Variants in WWC2 observed in about 807,000 individuals in gnomAD.
The protein encoded by WWC2 is protein WWC2.
In WWC2, 101 loss-of-function variants were observed where a neutral mutation model predicts 138.5. The observed-to-expected ratio is 0.73, with a 90% CI of 0.62 to 0.86. The LOEUF is 0.86. Among genes scored for constraint, WWC2 ranks in the 40% least tolerant of loss-of-function variants. The pLI is 0.00. For synonymous variants in WWC2, 558 were observed against 538.4 expected (o/e 1.04, Z -0.50); for missense variants, 1,420 against 1,419.4 (o/e 1.00, Z -0.01).
At chr4:183,137,570 C>T (rs1733159083) in intron 1 of WWC2, among the ~76,000 whole-genome samples, 1 of 151,902 alleles carries the variant, frequency 6.6e-6, no homozygotes, top group Non-Finnish European at 1.5e-5. Context: ...ACGATCTTGG[C>T]TCACCGTAAC....
intron 22 of WWC2, 83 bp downstream of exon 22, chr4:183,312,551 T>C: frequency 4.4e-6 from 7 of 1,577,714 alleles, no homozygotes; most frequent in Non-Finnish European, 6.1e-6. Flanking sequence ...GCAGTGAAAG[T>C]TAATATGAGG....
intron 1 of WWC2, among the ~76,000 whole-genome samples, chr4:183,133,800 A>C (rs1369338735): frequency 6.6e-6 from 1 of 152,100 alleles, no homozygotes; most frequent in Admixed American, 6.6e-5. Context: ...CCGCCTTCTC[A>C]TGTTTTTCTT....
intron 21 of WWC2, among the ~76,000 whole-genome samples, chr4:183,303,241 G>T (rs1738916795): frequency 6.6e-6 from 1 of 152,134 alleles, no homozygotes. Flanking sequence ...AGACAGCGTT[G>T]CAAGTAACTT....
chr4:183,314,072 C>T (rs1739352992), intron 22 of WWC2, among the ~76,000 whole-genome samples: 1 of 151,952 alleles, frequency 6.6e-6, no homozygotes, highest in Admixed American at 6.6e-5. Context: ...AGGCTGAGGT[C>T]TGGTACCAAG....
In WWC2 at chr4:183,253,795, G is replaced by A; in HGVS notation, c.992G>A (p.Ser331Asn). ...NLKIELSKLD[S>N]EAWPGALDIE... is the part of the protein sequence containing the mutation. ...AAAATTGAACTGTCAAAATTGGACA[G>A]TGAGGCCTGGCCTGGGGCACTGGAT... Residue 331 changes from serine (S) to asparagine (N), a missense_variant, in exon 9 of 23, where the codon AGT (serine) becomes AAT (asparagine). Transcript: ENST00000403733. 6.2e-7 allele frequency: 1 copy of A among 1,613,452 alleles called. No homozygotes were observed. The highest frequency in any genetic ancestry group is 1.1e-5 in the South Asian group (1 of 91,024).
At position 183,208,814 on chromosome 4, in the gene WWC2, C is replaced by G. The variant is rs73870365; in HGVS notation, c.446-135C>G. ...AACTTTTTATATTTAGGTGTCTGAT[C>G]AATGGCAATAAAGGAATTAGAAAGC... On this transcript the variant is annotated intron_variant, in intron 3 of 22. Coordinates refer to ENST00000403733, the MANE Select transcript of WWC2 (RefSeq NM_024949.6). 6,876 of 610,166 alleles carry G rather than the reference C, an allele frequency of 0.011. 366 individuals are homozygous for G. In the African/African-American group the frequency reaches 0.11, roughly 10 times the overall value. 37.8% of individuals were successfully genotyped at this position (610,166 alleles called of 1,614,324 possible).
At chr4:183,194,390 C>T (rs867762256) in intron 2 of WWC2, among the ~76,000 whole-genome samples, 2 of 152,130 alleles carry the variant, frequency 1.3e-5, no homozygotes, top group African/African-American at 2.4e-5. Context: ...ATATCTAGCA[C>T]TCTATCTACT....
chr4:183,315,669 G>A lies in WWC2; in HGVS notation c.3519G>A (p.Lys1173=). The change falls in exon 23 of 23, where the codon AAG becomes AAA. Residue 1173 remains lysine, a synonymous_variant. Coordinates refer to ENST00000403733, the MANE Select transcript of WWC2 (RefSeq NM_024949.6). ...VPRQVQSFRE[K]IAYFTRAKIS... ...TTTCTCACCCCAACTCTAGGGAGAA[G>A]ATTGCCTACTTCACCAGAGCAAAGA... 6.2e-7 allele frequency: 1 copy of A among 1,612,976 alleles called. No homozygotes were observed. The highest frequency in any genetic ancestry group is 8.5e-7 in the Non-Finnish European group (1 of 1,179,278).
intron 9 of WWC2, among the ~76,000 whole-genome samples, chr4:183,257,346 C>T (rs969927484): frequency 1.3e-5 from 2 of 152,022 alleles, no homozygotes; most frequent in African/African-American, 4.8e-5. Flanking sequence ...TGAAATTTTC[C>T]CTAGGTGCAG....
rs745325810 is a variant in WWC2, at chr4:183,134,321, A to ATT, written c.131+34710_131+34711dup. Among the ~76,000 whole-genome samples, 19 of 143,550 alleles carry ATT rather than the reference A, an allele frequency of 1.3e-4. 1 individual carries two copies. The highest frequency in any genetic ancestry group is 4.8e-4 in the African/African-American group (19 of 39,692). 94.2% of individuals were successfully genotyped at this position (143,550 alleles called of 152,430 possible). On this transcript the variant is annotated intron_variant, in intron 1 of 22. Coordinates refer to ENST00000403733, the MANE Select transcript of WWC2 (RefSeq NM_024949.6). ...ACTTCTACTTTGGGTTGATTTTACT[A>ATT]TTTTTTTTTTTTGAACCTCTTAAAA...
rs555822059 is a variant in WWC2 at position 183,277,097 on chromosome 4, A to G, written c.2563-3679A>G. Among the ~76,000 whole-genome samples the G allele has an allele frequency of 3.7e-3, 554 of 150,494 alleles. 3 individuals are homozygous for G. Among genetic ancestry groups the G allele is most frequent in the Middle Eastern group, 0.01 (3 of 292 alleles). Reference sequence around the variant, plus strand: ...TGCACCCACTAACTCATCATCTAGCATTAGGTATATCTCCCAATGCTATCC... The same window carrying G: ...TGCACCCACTAACTCATCATCTAGCGTTAGGTATATCTCCCAATGCTATCC... On this transcript the variant is annotated intron_variant, in intron 16 of 22. Transcript: ENST00000403733.
Position 183,312,462 on chromosome 4 carries a change from C to G in WWC2, c.3506C>G (p.Ser1169Cys). The G allele has an allele frequency of 1.2e-6, 2 of 1,613,628 alleles. No individual in the cohort carries two copies. Among genetic ancestry groups the G allele is most frequent in the Non-Finnish European group, 1.7e-6 (2 of 1,179,688 alleles). Residue 1169 changes from serine to cysteine, a missense_variant, in exon 22 of 23, where the codon TCC becomes TGC. Physicochemically the swap from Ser to Cys is moderately radical, Grantham distance 112 (BLOSUM62 -1). Transcript: ENST00000403733. The stretch of plus-strand genomic sequence containing the variant: ...CAGAAGGTGCCTCGGCAGGTGCAGT[C>G]CTTCAGGTGAATAGCCCCATCCAGG... ...QSQKVPRQVQ[S>C]FREKIAYFTR...
intron 1 of WWC2, among the ~76,000 whole-genome samples, chr4:183,177,597 T>A (rs1268438274): frequency 6.6e-6 from 1 of 152,148 alleles, no homozygotes; most frequent in Non-Finnish European, 1.5e-5. Flanking sequence ...AAGTGAACAT[T>A]TTGTAGAAGC....
intron 1 of WWC2, among the ~76,000 whole-genome samples, chr4:183,142,339 T>A (rs972070367): frequency 3.3e-5 from 5 of 152,188 alleles, no homozygotes; most frequent in African/African-American, 1.2e-4. Context: ...ATATGCTTTT[T>A]TGTTTGAGGC....
chr4:183,236,673 A>G (rs1736433846), intron 4 of WWC2, among the ~76,000 whole-genome samples: 1 of 152,200 alleles, frequency 6.6e-6, no homozygotes, highest in African/African-American at 2.4e-5. Flanking sequence ...TTCTTAGGCC[A>G]TATTTAGTTT....
chr4:183,310,736 C>T (rs1435226876), intron 21 of WWC2, among the ~76,000 whole-genome samples: 4 of 146,112 alleles, frequency 2.7e-5, no homozygotes, highest in African/African-American at 1.0e-4. Flanking sequence ...AACTCCTGGC[C>T]TTGAGCAATC....
chr4:183,262,771 T>TGTGTGTGC (rs1340407474), intron 11 of WWC2, among the ~76,000 whole-genome samples: 4 of 151,742 alleles, frequency 2.6e-5, no homozygotes, highest in African/African-American at 4.9e-5. Flanking sequence ...AGGAGTACGG[T>TGTGTGTGC]GTGTGTGCGT....
chr4:183,139,198 G>T (rs557798578), intron 1 of WWC2, among the ~76,000 whole-genome samples: 1 of 152,288 alleles, frequency 6.6e-6, no homozygotes, highest in African/African-American at 2.4e-5. Flanking sequence ...GGAGTCAGGA[G>T]CTAGAAGCTG....
At position 183,099,385 on chromosome 4, in the gene WWC2, G is replaced by A. The variant is rs1743080817; in HGVS notation, c.-107G>A. ...CGCGCCCTGCGCCCCTCAGCCCCTC[G>A]CCGGCGCCCGCGTCGCGGGTTGGCA... On this transcript the variant is annotated 5_prime_UTR_variant, in exon 1 of 23. Coordinates refer to ENST00000403733, the MANE Select transcript of WWC2 (RefSeq NM_024949.6). 8.9e-7 allele frequency: 1 copy of A among 1,129,774 alleles called. No homozygotes were observed. Among genetic ancestry groups the A allele is most frequent in the African/African-American group, 1.6e-5 (1 of 60,748 alleles). The allele number at this position is 1,129,774 out of a possible 1,614,324, so 70.0% of individuals were successfully genotyped here. A position where few individuals can be genotyped will look rare whatever the true frequency, so the allele number is the denominator to read the frequency against.
Sources: allele counts gnomAD v4.1 joint callset (sites outside exome capture counted in the v4.1 genomes callset), GRCh38; gene constraint gnomAD v4.1.1; transcripts MANE v1.5; gene names NCBI Gene and HGNC (gene_info 2026-07-23, HGNC 2026-07-21).